The following MCMDC2 variants were observed in gnomAD, a reference collection of about 807,000 sequenced individuals.
MCMDC2 encodes the protein minichromosome maintenance domain-containing protein 2.
Under a neutral mutation model 75.8 loss-of-function variants are expected in MCMDC2, and 54 were observed. That is an observed-to-expected ratio of 0.71 (90% CI 0.57 to 0.89). The LOEUF (loss-of-function observed/expected upper bound fraction) is 0.89. MCMDC2 is among the 40% of genes least tolerant of loss of function. The pLI, the probability that MCMDC2 is intolerant of heterozygous loss-of-function variation, is 0.00. For synonymous variants in MCMDC2, 249 were observed against 274.6 expected (o/e 0.91, Z 0.92); for missense variants, 656 against 780.4 (o/e 0.84, Z 1.90).
At chr8:66,889,322 C>A (rs1811988100) in intron 9 of MCMDC2, among the ~76,000 whole-genome samples, 1 of 152,100 alleles carries the variant, frequency 6.6e-6, no homozygotes, top group Non-Finnish European at 1.5e-5. Context: ...GGTTAGAAAC[C>A]AAAATGACAT....
At chr8:66,877,952 A>T (rs905314543) in intron 5 of MCMDC2, among the ~76,000 whole-genome samples, 1 of 152,084 alleles carries the variant, frequency 6.6e-6, no homozygotes, top group African/African-American at 2.4e-5. Flanking sequence ...ATAGAAAAAA[A>T]TTGAATAAAA....
Position 66,883,723 on chromosome 8 carries a change from C to G in MCMDC2, c.836-34C>G, listed in dbSNP as rs780421782. 4.1e-6 allele frequency: 5 copies of G among 1,211,830 alleles called. No homozygotes were observed. In the African/African-American group the frequency reaches 6.1e-5, roughly 15 times the overall value. 75.1% of individuals were successfully genotyped at this position (1,211,830 alleles called of 1,614,324 possible). A position where few individuals can be genotyped will look rare whatever the true frequency, so the allele number is the denominator to read the frequency against. On this transcript the variant is annotated intron_variant, in intron 8 of 14. Coordinates refer to ENST00000422365, the MANE Select transcript of MCMDC2 (RefSeq NM_173518.5). ...CTATAATGTTGTCTTGTTTTAAAAC[C>G]CTTTCTAATATATATGTTAATATTT... is the stretch of plus-strand genomic sequence containing the variant.
At chr8:66,906,148 C>T (rs1005627856) in intron 14 of MCMDC2, among the ~76,000 whole-genome samples, 6 of 151,988 alleles carry the variant, frequency 3.9e-5, no homozygotes, top group Admixed American at 1.3e-4. Flanking sequence ...CTAATAAACA[C>T]GCAAAAGAGG....
At position 66,896,319 on chromosome 8, in the gene MCMDC2, A is replaced by C; in HGVS notation, c.1429A>C (p.Thr477Pro). ...SSRRNAQKIN[T>P]LIGQMDCSLI... is the part of the protein sequence containing the mutation. ...AAGGAGAAATGCACAGAAAATCAAC[A>C]CTCTAATTGGTCAGATGGTAAGGTA... Residue 477 changes from threonine to proline, a missense_variant, in exon 11 of 15, where the codon ACT (threonine) becomes CCT (proline). By Grantham distance (38) the Thr-to-Pro change is conservative. Transcript: ENST00000422365. The C allele has an allele frequency of 6.2e-7, 1 of 1,607,034 alleles. No individual in the cohort carries two copies. Among genetic ancestry groups the C allele is most frequent in the South Asian group, 1.1e-5 (1 of 88,936 alleles).
intron 9 of MCMDC2, among the ~76,000 whole-genome samples, chr8:66,885,590 G>T (rs928591070): frequency 4.1e-4 from 62 of 151,670 alleles, no homozygotes; most frequent in Non-Finnish European, 5.9e-5. Context: ...ATGATATTTG[G>T]GGCTGTGTGA....
chr8:66,897,396 G>A (rs1400167115), intron 12 of MCMDC2, among the ~76,000 whole-genome samples: 1 of 142,174 alleles, frequency 7.0e-6, no homozygotes, highest in Non-Finnish European at 1.5e-5. Context: ...GATAGAGTAA[G>A]ACCCTGTCTC....
chr8:66,901,500 C>T, intron 13 of MCMDC2, 152 bp downstream of exon 13: 1 of 1,361,670 alleles, frequency 7.3e-7, no homozygotes, highest in South Asian at 2.1e-5. Context: ...CTAAAGGCTT[C>T]ACAATTCCTT....
rs530805303 is a variant in MCMDC2 at position 66,902,692 on chromosome 8, CA to C, written c.1769+1364del. Among the ~76,000 whole-genome samples the C allele has an allele frequency of 4.7e-3, 271 of 57,200 alleles. 2 individuals are homozygous for C. Among genetic ancestry groups the C allele is most frequent in the African/African-American group, 0.014 (173 of 11,944 alleles). The allele number at this position is 57,200 out of a possible 152,430, so 37.5% of individuals were successfully genotyped here. Reference sequence around the variant, plus strand: ...CTGGCGACAGAGCAAGATTCTGTCTCAAAAAAAAAAAAAAAAAAAATATATA... The same window carrying C: ...CTGGCGACAGAGCAAGATTCTGTCTCAAAAAAAAAAAAAAAAAAATATATA... On this transcript the variant is annotated intron_variant, in intron 13 of 14. Coordinates refer to ENST00000422365, the MANE Select transcript of MCMDC2 (RefSeq NM_173518.5).
chr8:66,920,831 C>T lies in MCMDC2; in HGVS notation c.*1662C>T, dbSNP rs536122881. On this transcript the variant is annotated 3_prime_UTR_variant, in exon 15 of 15. Transcript: ENST00000422365. ...GGGACTACAGGGACATGCTACCACCCTGGGATAACTTCTGCATTTTTTGTA... is the reference window on the plus strand; with the variant it reads ...GGGACTACAGGGACATGCTACCACCTTGGGATAACTTCTGCATTTTTTGTA... 6.6e-6 allele frequency: 1 copy of T among 151,998 alleles called. No homozygotes were observed. Among genetic ancestry groups the T allele is most frequent in the Non-Finnish European group, 1.5e-5 (1 of 68,006 alleles). The allele number at this position is 151,998 out of a possible 1,614,324, so 9.4% of individuals were successfully genotyped here.
At chr8:66,873,842 G>A (rs1190066758) in intron 1 of MCMDC2, among the ~76,000 whole-genome samples, 1 of 151,814 alleles carries the variant, frequency 6.6e-6, no homozygotes, top group East Asian at 1.9e-4. Flanking sequence ...AGCTGAGATT[G>A]CGCCACTGCA....
At position 66,896,805 on chromosome 8, in the gene MCMDC2, T is replaced by C. The variant is rs1486347210; in HGVS notation, c.1472T>C (p.Leu491Pro). The C allele has an allele frequency of 6.2e-7, 1 of 1,612,396 alleles. No homozygotes were observed. Among genetic ancestry groups the C allele is most frequent in the Non-Finnish European group, 8.5e-7 (1 of 1,179,352 alleles). ...QMDCSLIPANLVEAFGLLINC... is the reference protein window; with the variant it reads ...QMDCSLIPANPVEAFGLLINC... ...GATTGCAGTTTGATTCCAGCTAACC[T>C]TGTGGAGGCATTTGGTTTATTGATT... Residue 491 changes from leucine (L) to proline (P), a missense_variant, in exon 12 of 15, where the codon CTT (leucine) becomes CCT (proline). By Grantham distance (98) the Leu-to-Pro change is moderately conservative (BLOSUM62 -3). Coordinates refer to ENST00000422365, the MANE Select transcript of MCMDC2 (RefSeq NM_173518.5).
intron 9 of MCMDC2, among the ~76,000 whole-genome samples, chr8:66,886,670 GA>G (rs1316410289): frequency 1.3e-5 from 2 of 151,978 alleles, no homozygotes; most frequent in Non-Finnish European, 2.9e-5. Context: ...CTACACTTGG[GA>G]AGCTGAGGCA....
chr8:66,891,117 C>G (rs367802715), intron 10 of MCMDC2, 47 bp downstream of exon 10: 4 of 1,463,528 alleles, frequency 2.7e-6, no homozygotes, highest in East Asian at 2.4e-5. Flanking sequence ...AACCTATACT[C>G]TCATCCATGT....
chr8:66,882,625 A>C (rs1343628018), intron 8 of MCMDC2, among the ~76,000 whole-genome samples: 1 of 152,086 alleles, frequency 6.6e-6, no homozygotes, highest in African/African-American at 2.4e-5. Context: ...TGGCCTTCCA[A>C]AGTGCTGGAA....
intron 9 of MCMDC2, 130 bp from the exon 10 acceptor site, chr8:66,890,735 T>C: frequency 1.3e-6 from 1 of 797,362 alleles, no homozygotes; most frequent in Non-Finnish European, 2.0e-6. Context: ...TAGTCATATA[T>C]ATTTTTATCC....
chr8:66,914,955 G>C (rs1813249754), intron 14 of MCMDC2, among the ~76,000 whole-genome samples: 1 of 152,124 alleles, frequency 6.6e-6, no homozygotes. Flanking sequence ...TAGCTGGGTG[G>C]ATAATCATGC....
At chr8:66,908,229 C>T (rs1812979301) in intron 14 of MCMDC2, among the ~76,000 whole-genome samples, 3 of 152,122 alleles carry the variant, frequency 2.0e-5, no homozygotes, top group Admixed American at 2.0e-4. Context: ...TTTAATGCAT[C>T]TTGAGTTAAT....
chr8:66,891,364 T>C (rs1249770781), intron 10 of MCMDC2, among the ~76,000 whole-genome samples: 1 of 152,196 alleles, frequency 6.6e-6, no homozygotes, highest in Non-Finnish European at 1.5e-5. Context: ...TGAAAAGTAG[T>C]GTTGAGAGAG....
intron 8 of MCMDC2, 22 bp from the exon 9 acceptor site, chr8:66,883,735 A>G: frequency 2.3e-6 from 3 of 1,320,744 alleles, no homozygotes; most frequent in South Asian, 2.5e-5. Context: ...TTTCTAATAT[A>G]TATGTTAATA....
Sources: gnomAD v4.1 joint callset for allele counts (sites outside exome capture counted in the v4.1 genomes callset) on GRCh38, gnomAD v4.1.1 for gene constraint, MANE v1.5 for transcripts, NCBI Gene and HGNC (gene_info 2026-07-23, HGNC 2026-07-21) for gene names.